Variants in TET1 observed in about 807,000 individuals in gnomAD.
The protein encoded by TET1 is methylcytosine dioxygenase TET1.
TET1 carries 13 observed loss-of-function variants against 148.7 expected under a neutral mutation model. The observed-to-expected ratio is 0.09, with a 90% confidence interval of 0.06 to 0.14. The LOEUF is 0.14. Among genes scored for constraint, TET1 ranks in the 10% least tolerant of loss-of-function variants. TET1 has a pLI of 1.00. For synonymous variants in TET1, 907 were observed against 937.2 expected, an observed-to-expected ratio of 0.97 and a Z score of 0.59; for missense variants, 2,182 against 2,553.8, an observed-to-expected ratio of 0.85 and a Z score of 3.14.
Position 68,674,704 on chromosome 10 carries a change from C to T in TET1, c.4824+1659C>T, listed in dbSNP as rs961409789. ...AAGGTCATGTCAATATCAAGACTAC[C>T]GGTGCTTACTTGCTTCATGTGTTCT... On this transcript the variant is annotated intron_variant, in intron 8 of 11. Coordinates refer to ENST00000373644, the MANE Select transcript of TET1 (RefSeq NM_030625.3). The T allele has an allele frequency of 3.1e-4, 145 of 471,616 alleles. 1 individual carries two copies. Among genetic ancestry groups the T allele is most frequent in the Non-Finnish European group, 1.8e-4 (43 of 244,264 alleles). 29.2% of individuals were successfully genotyped at this position (471,616 alleles called of 1,614,324 possible).
chr10:68,631,146 AG>A (rs1258687103), intron 3 of TET1, among the ~76,000 whole-genome samples: 1 of 152,240 alleles, frequency 6.6e-6, no homozygotes, highest in African/African-American at 2.4e-5. Context: ...ACTGAATTCC[AG>A]CCTAGGCAAT....
chr10:68,585,940 G>A (rs150277490), intron 2 of TET1, among the ~76,000 whole-genome samples: 14 of 151,578 alleles, frequency 9.2e-5, no homozygotes, highest in Non-Finnish European at 1.6e-4. Context: ...CCCTGGAGAC[G>A]GAGGTTGCAG....
intron 1 of TET1, among the ~76,000 whole-genome samples, chr10:68,570,738 T>G (rs1360915100): frequency 1.3e-5 from 2 of 151,460 alleles, no homozygotes; most frequent in Admixed American, 6.6e-5. Flanking sequence ...CACGCCATTC[T>G]CCTGCCTCAG....
In TET1 at chr10:68,666,149, A is replaced by T. The variant is rs540661035; in HGVS notation, c.4462-896A>T. Among the ~76,000 whole-genome samples, 3 of 152,146 alleles carry T rather than the reference A, an allele frequency of 2.0e-5. No homozygotes were observed. The South Asian group carries it at 6.2e-4, about 32-fold the overall frequency. On this transcript the variant is annotated intron_variant, in intron 6 of 11. Coordinates refer to ENST00000373644, the MANE Select transcript of TET1 (RefSeq NM_030625.3). ...TTTTTTTTTTGTAGTTAACACTCAGACCACTGAGCAAATTTTAAATACTGC... is the reference window on the plus strand; with the variant it reads ...TTTTTTTTTTGTAGTTAACACTCAGTCCACTGAGCAAATTTTAAATACTGC...
At position 68,680,695 on chromosome 10, in the gene TET1, G is replaced by A. The variant is rs73262451; in HGVS notation, c.4825-704G>A. Among the ~76,000 whole-genome samples the A allele has an allele frequency of 3.9e-3, 593 of 152,342 alleles. 2 individuals carry two copies. The highest frequency in any genetic ancestry group is 0.014 in the African/African-American group (565 of 41,574). On this transcript the variant is annotated intron_variant, in intron 8 of 11. Coordinates refer to ENST00000373644, the MANE Select transcript of TET1 (RefSeq NM_030625.3). ...TTGAAAAAATCTGATGTCTCTATCAGTAGCAATCCAGATTTCTTGAGTGTT... is the reference window on the plus strand; with the variant it reads ...TTGAAAAAATCTGATGTCTCTATCAATAGCAATCCAGATTTCTTGAGTGTT...
chr10:68,659,114 C>T (rs2055067704), intron 6 of TET1, among the ~76,000 whole-genome samples: 1 of 152,106 alleles, frequency 6.6e-6, no homozygotes, highest in Non-Finnish European at 1.5e-5. Flanking sequence ...GTAATCCCAG[C>T]TACTCAGGAG....
At chr10:68,668,349 C>G (rs921812241) in intron 7 of TET1, among the ~76,000 whole-genome samples, 3 of 152,158 alleles carry the variant, frequency 2.0e-5, no homozygotes, top group African/African-American at 7.2e-5. Flanking sequence ...TTAAGCAAAG[C>G]AACATATAAT....
intron 11 of TET1, among the ~76,000 whole-genome samples, chr10:68,687,198 C>G (rs1055233921): frequency 6.7e-6 from 1 of 150,326 alleles, no homozygotes; most frequent in Admixed American, 6.7e-5. Flanking sequence ...CCACCGCGCC[C>G]GGCCTACTTA....
At chr10:68,636,981 T>TGTGTGTG (rs61255091) in intron 3 of TET1, among the ~76,000 whole-genome samples, 10,194 of 102,342 alleles carry the variant, frequency 0.1, 360 homozygotes, top group Middle Eastern at 0.13. Flanking sequence ...ATTTTACTCG[T>TGTGTGTG]TGTGTGTGTG....
At chr10:68,656,606 G>A (rs2133132866) in intron 6 of TET1, among the ~76,000 whole-genome samples, 1 of 152,260 alleles carries the variant, frequency 6.6e-6, no homozygotes, top group East Asian at 1.9e-4. Flanking sequence ...AACTTTCCAG[G>A]TTATCTTACT....
chr10:68,586,484 C>CATTTT (rs1332322213), intron 2 of TET1, among the ~76,000 whole-genome samples: 3 of 29,776 alleles, frequency 1.0e-4, no homozygotes, highest in Non-Finnish European at 1.6e-4. Flanking sequence ...AGCCAGCTAA[C>CATTTT]GTTTTTTTTT....
chr10:68,619,644 TTAATC>T (rs2054341688), intron 3 of TET1, among the ~76,000 whole-genome samples: 6 of 152,094 alleles, frequency 3.9e-5, no homozygotes, highest in Admixed American at 3.9e-4. Flanking sequence ...ACGTGGAAAA[TTAATC>T]TAATTAACAT....
chr10:68,640,638 G>A (rs896642505), intron 3 of TET1, among the ~76,000 whole-genome samples: 8 of 128,504 alleles, frequency 6.2e-5, no homozygotes, highest in African/African-American at 2.4e-4. Flanking sequence ...TGCAGGCTCC[G>A]CTTCCCAGGT....
intron 6 of TET1, among the ~76,000 whole-genome samples, chr10:68,654,163 C>T (rs1051873898): frequency 2.2e-5 from 3 of 137,278 alleles, no homozygotes; most frequent in East Asian, 2.1e-4. Flanking sequence ...GGGGAGGGAA[C>T]ATTTAAGCTG....
chr10:68,561,724 CG>C (rs201767412), intron 1 of TET1, among the ~76,000 whole-genome samples: 2 of 138,792 alleles, frequency 1.4e-5, no homozygotes, highest in African/African-American at 2.7e-5. Context: ...CTCCGGTCCC[CG>C]CCTCTCTCGC....
intron 3 of TET1, among the ~76,000 whole-genome samples, chr10:68,638,352 G>A (rs1224856356): frequency 6.6e-6 from 1 of 152,142 alleles, no homozygotes; most frequent in Non-Finnish European, 1.5e-5. Context: ...CCATTGTAGT[G>A]TTTCACATAA....
chr10:68,595,945 T>TATATATATACATATAC (rs1564958796), intron 2 of TET1, among the ~76,000 whole-genome samples: 4 of 37,554 alleles, frequency 1.1e-4, no homozygotes, highest in African/African-American at 3.5e-4. Flanking sequence ...TATATATATA[T>TATATATATACATATAC]ATATATATAT....
In TET1 at chr10:68,573,243, T is replaced by C. The variant is rs1324390461; in HGVS notation, c.905T>C (p.Leu302Pro). The C allele has an allele frequency of 3.1e-6, 5 of 1,614,056 alleles. No individual in the cohort carries two copies. Among genetic ancestry groups the C allele is most frequent in the South Asian group, 1.1e-5 (1 of 91,068 alleles). ...CATGATTGCTACCCCACCTCCAGTC[T>C]TAATAAGGTTATACCTGACTTGAAC... ...SEHDCYPTSS[L>P]NKVIPDLNLR... The change falls in exon 2 of 12, where the codon CTT (leucine) becomes CCT (proline). Residue 302 changes from leucine to proline, a missense_variant. Leu to Pro is a moderately conservative substitution (Grantham distance 98). This residue lies in a region of TET1 where 665 missense variants were observed against 672.4 expected (regional missense o/e 0.99). Coordinates refer to ENST00000373644, the MANE Select transcript of TET1 (RefSeq NM_030625.3).
Position 68,689,317 on chromosome 10 carries a change from A to G in TET1, c.5405-1491A>G, listed in dbSNP as rs143335365. ...TCATTATGTATTATATTATCAATTT[A>G]TTATATTTTTAATTACTTTAAAACA... On this transcript the variant is annotated intron_variant, in intron 11 of 11. Transcript: ENST00000373644. 3.9e-3 allele frequency among the ~76,000 whole-genome samples: 587 copies of G among 152,316 alleles called. 3 individuals carry two copies. Among genetic ancestry groups the G allele is most frequent in the African/African-American group, 0.013 (552 of 41,576 alleles).
Sources: allele counts gnomAD v4.1 joint callset (sites outside exome capture counted in the v4.1 genomes callset), GRCh38; gene constraint gnomAD v4.1.1; regional missense constraint gnomAD v4.1.1; transcripts MANE v1.5; gene names NCBI Gene and HGNC (gene_info 2026-07-23, HGNC 2026-07-21).